The following NELL2 variants were observed in gnomAD, a reference collection of about 807,000 sequenced individuals.
NELL2 encodes the protein protein kinase C-binding protein NELL2.
A neutral mutation model predicts 109.6 loss-of-function variants in NELL2; 41 were observed. That is an observed-to-expected ratio of 0.37 (90% CI 0.29 to 0.49). The LOEUF (loss-of-function observed/expected upper bound fraction) is 0.49, where lower values mean the gene tolerates loss of function less well. Among genes scored for constraint, NELL2 ranks in the 20% least tolerant of loss-of-function variants. The pLI, the probability that NELL2 is intolerant of heterozygous loss-of-function variation, is 0.98. For synonymous variants in NELL2, 355 were observed against 344.7 expected, an observed-to-expected ratio of 1.03 and a Z score of -0.33; for missense variants, 900 against 1,008.3, an observed-to-expected ratio of 0.89 and a Z score of 1.45.
intron 9 of NELL2, among the ~76,000 whole-genome samples, chr12:44,714,987 C>T (rs1938411023): frequency 6.6e-6 from 1 of 151,732 alleles, no homozygotes; most frequent in Non-Finnish European, 1.5e-5. Flanking sequence ...GAATTAGACT[C>T]TGAAAAAGTA....
intron 3 of NELL2, among the ~76,000 whole-genome samples, chr12:44,807,423 C>T (rs2136666293): frequency 6.6e-6 from 1 of 151,710 alleles, no homozygotes; most frequent in South Asian, 2.1e-4. Flanking sequence ...AACGACATCT[C>T]TATGAAACAT....
chr12:44,689,712 T>C (rs1304382736), intron 12 of NELL2, among the ~76,000 whole-genome samples: 1 of 152,202 alleles, frequency 6.6e-6, no homozygotes. Context: ...CAGAGTAAAT[T>C]TGGCAATGTC....
chr12:44,527,953 G>T (rs1941863232), intron 16 of NELL2, among the ~76,000 whole-genome samples: 1 of 151,484 alleles, frequency 6.6e-6, no homozygotes, highest in South Asian at 2.1e-4. Context: ...AATTAGCCCG[G>T]CGTGGTGGCG....
chr12:44,753,064 G>A (rs750130438), intron 9 of NELL2, among the ~76,000 whole-genome samples: 3 of 152,002 alleles, frequency 2.0e-5, no homozygotes, highest in Non-Finnish European at 2.9e-5. Flanking sequence ...ACAGAATCAA[G>A]CACATGCCTG....
chr12:44,557,832 C>G (rs1943315361), intron 15 of NELL2, among the ~76,000 whole-genome samples: 1 of 151,728 alleles, frequency 6.6e-6, no homozygotes, highest in South Asian at 2.1e-4. Context: ...AAAAGAGGAA[C>G]CAAAGGAAGA....
chr12:44,641,536 A>C (rs184893769), intron 13 of NELL2, among the ~76,000 whole-genome samples: 176 of 152,192 alleles, frequency 1.2e-3, no homozygotes, highest in African/African-American at 3.7e-3. Context: ...AATGAGGAAA[A>C]TAAACTGTAA....
At chr12:44,646,640 T>C (rs1386264668) in intron 13 of NELL2, among the ~76,000 whole-genome samples, 1 of 152,180 alleles carries the variant, frequency 6.6e-6, no homozygotes, top group Non-Finnish European at 1.5e-5. Flanking sequence ...CAGATTTTGG[T>C]TGACTACAGA....
chr12:44,750,417 CAAG>C (rs1940600312), intron 9 of NELL2, among the ~76,000 whole-genome samples: 1 of 152,082 alleles, frequency 6.6e-6, no homozygotes, highest in Admixed American at 6.6e-5. Flanking sequence ...TGACAGGAAA[CAAG>C]AAGTTTTATG....
At chr12:44,637,892 G>T (rs1447386936) in intron 13 of NELL2, among the ~76,000 whole-genome samples, 1 of 151,934 alleles carries the variant, frequency 6.6e-6, no homozygotes, top group Non-Finnish European at 1.5e-5. Flanking sequence ...GTCTTGTCCA[G>T]CTGATTTTCA....
intron 13 of NELL2, among the ~76,000 whole-genome samples, chr12:44,656,484 C>T (rs1947504755): frequency 1.3e-5 from 2 of 152,166 alleles, no homozygotes; most frequent in South Asian, 2.1e-4. Context: ...AGAAATAAGA[C>T]ATTTCCTCAA....
intron 9 of NELL2, among the ~76,000 whole-genome samples, chr12:44,763,784 A>G (rs1210598660): frequency 6.6e-6 from 1 of 152,194 alleles, no homozygotes; most frequent in Non-Finnish European, 1.5e-5. Context: ...AGGAAAGAGA[A>G]GTTAAGCTTA....
chr12:44,657,921 A>G (rs148429903), intron 13 of NELL2, among the ~76,000 whole-genome samples: 7,837 of 152,220 alleles, frequency 0.051, 330 homozygotes, highest in Non-Finnish European at 0.072. Context: ...GCTATTGTGC[A>G]TAGTGCTGCA....
Position 44,701,569 on chromosome 12 carries a change from A to G in NELL2, c.1318+2157T>C, listed in dbSNP as rs1214606423. 3.9e-5 allele frequency among the ~76,000 whole-genome samples: 6 copies of G among 152,080 alleles called. No homozygotes were observed. The East Asian group carries it at 5.8e-4, about 15-fold the overall frequency. On this transcript the variant is annotated intron_variant, in intron 12 of 19. Transcript: ENST00000429094. ...TTTCCTTAACTTCTTTCCTGTCTCA[A>G]TGCCATCCATGTGTTGCTCAGATTC...
chr12:44,677,521 C>T (rs1410312649), intron 12 of NELL2, among the ~76,000 whole-genome samples: 18 of 152,042 alleles, frequency 1.2e-4, no homozygotes, highest in Non-Finnish European at 2.9e-5. Flanking sequence ...TGTGTTTGTG[C>T]TTTTCCTCTG....
chr12:44,806,247 A>G (rs1281548235), intron 3 of NELL2, among the ~76,000 whole-genome samples: 1 of 151,902 alleles, frequency 6.6e-6, no homozygotes, highest in Non-Finnish European at 1.5e-5. Flanking sequence ...TTATAAAAGA[A>G]GATATATGCA....
chr12:44,891,148 C>T (rs551826890), intron 1 of NELL2, among the ~76,000 whole-genome samples: 3 of 152,198 alleles, frequency 2.0e-5, no homozygotes, highest in Admixed American at 2.0e-4. Flanking sequence ...TGGTCATCTG[C>T]CCCCTTCTGA....
chr12:44,644,610 A>ATATATATATATATG (rs1947010051), intron 13 of NELL2, among the ~76,000 whole-genome samples: 3 of 84,530 alleles, frequency 3.5e-5, no homozygotes, highest in Non-Finnish European at 4.7e-5. Flanking sequence ...ATATGTATGT[A>ATATATATATATATG]TATATATATA....
chr12:44,637,475 AG>A (rs1946684537), intron 13 of NELL2, among the ~76,000 whole-genome samples: 1 of 142,382 alleles, frequency 7.0e-6, no homozygotes, highest in Non-Finnish European at 1.5e-5. Context: ...AAATCACAGT[AG>A]GTGTTATGAA....
At chr12:44,579,047 T>G (rs1944224109) in intron 15 of NELL2, among the ~76,000 whole-genome samples, 2 of 152,200 alleles carry the variant, frequency 1.3e-5, no homozygotes, top group South Asian at 4.1e-4. Flanking sequence ...TGGATTTTGA[T>G]ATGTCCTTTT....
Sources: gnomAD v4.1 joint callset for allele counts (sites outside exome capture counted in the v4.1 genomes callset) on GRCh38, gnomAD v4.1.1 for gene constraint, MANE v1.5 for transcripts, NCBI Gene and HGNC (gene_info 2026-07-23, HGNC 2026-07-21) for gene names.